RBFOX1: variants seen among roughly 807,000 people sequenced by gnomAD.
RBFOX1 encodes the protein RNA binding fox-1 homolog 1.
Under a neutral mutation model 57.7 loss-of-function variants are expected in RBFOX1, and 8 were observed. The ratio of observed to expected loss-of-function variants is 0.14; its 90% CI spans 0.08 to 0.25. RBFOX1 has a LOEUF of 0.25. RBFOX1 is among the 10% of genes least tolerant of loss of function. RBFOX1 has a pLI of 1.00. For missense variants in RBFOX1, 611 were observed against 548.5 expected, an observed-to-expected ratio of 1.11 and a Z score of -1.14; for synonymous variants, 326 against 222.4, an observed-to-expected ratio of 1.47 and a Z score of -4.15.
intron 2 of RBFOX1, among the ~76,000 whole-genome samples, chr16:6,583,712 G>A (rs546478736): frequency 6.6e-6 from 1 of 152,156 alleles, no homozygotes; most frequent in East Asian, 1.9e-4. Context: ...AACTGAAGTA[G>A]TAACTTTTAA....
At chr16:7,157,973 A>G (rs1260887111) in intron 4 of RBFOX1, among the ~76,000 whole-genome samples, 2 of 152,192 alleles carry the variant, frequency 1.3e-5, no homozygotes, top group African/African-American at 4.8e-5. Context: ...AGATTTGTAG[A>G]TTGACAAAAA....
At chr16:7,440,326 G>C (rs181153501) in intron 4 of RBFOX1, among the ~76,000 whole-genome samples, 1 of 152,134 alleles carries the variant, frequency 6.6e-6, no homozygotes, top group Non-Finnish European at 1.5e-5. Flanking sequence ...AACTAACACT[G>C]TGAAAAAACA....
chr16:6,802,600 C>A (rs1321702074), intron 3 of RBFOX1, among the ~76,000 whole-genome samples: 1 of 152,186 alleles, frequency 6.6e-6, no homozygotes, highest in Non-Finnish European at 1.5e-5. Context: ...TCGCTTGAAC[C>A]TGGGTGGCCG....
intron 2 of RBFOX1, among the ~76,000 whole-genome samples, chr16:6,598,757 C>A (rs1274622348): frequency 6.6e-6 from 1 of 151,938 alleles, no homozygotes; most frequent in Non-Finnish European, 1.5e-5. Context: ...ACCAGCCGGA[C>A]CAATATGGTG....
intron 1 of RBFOX1, among the ~76,000 whole-genome samples, chr16:6,270,955 A>G (rs1431492232): frequency 6.6e-6 from 1 of 152,248 alleles, no homozygotes; most frequent in Non-Finnish European, 1.5e-5. Flanking sequence ...CCATGGATTA[A>G]AGAAGGAGTC....
chr16:5,906,771 G>C (rs1597729648), intron 4 of RBFOX1, among the ~76,000 whole-genome samples: 1 of 115,022 alleles, frequency 8.7e-6, no homozygotes, highest in Middle Eastern at 0.011. Context: ...GTCTCGCACT[G>C]TCTTCCAGGC....
downstream of RBFOX1, chr16:5,601,022 T>C (rs1236535162): frequency 6.6e-6 from 1 of 152,234 alleles, no homozygotes; most frequent in African/African-American, 2.4e-5. Flanking sequence ...TCTTGCAGCT[T>C]CACATCAAGT....
chr16:5,934,230 T>G (rs1170289177), intron 4 of RBFOX1, among the ~76,000 whole-genome samples: 1 of 152,224 alleles, frequency 6.6e-6, no homozygotes, highest in Non-Finnish European at 1.5e-5. Flanking sequence ...CCCAGATTGG[T>G]GCAAACACAG....
intron 3 of RBFOX1, among the ~76,000 whole-genome samples, chr16:6,697,791 C>T (rs147830694): frequency 6.6e-6 from 1 of 152,164 alleles, no homozygotes; most frequent in Non-Finnish European, 1.5e-5. Context: ...AAGACCCAAC[C>T]TTGGTATTGG....
chr16:7,115,598 G>T (rs1176426846), intron 4 of RBFOX1, among the ~76,000 whole-genome samples: 1 of 152,162 alleles, frequency 6.6e-6, no homozygotes, highest in African/African-American at 2.4e-5. Context: ...GCTGCCCACA[G>T]ATTTACCTCT....
chr16:6,641,365 G>C (rs892989043), intron 2 of RBFOX1, among the ~76,000 whole-genome samples: 4 of 152,070 alleles, frequency 2.6e-5, no homozygotes, highest in Admixed American at 6.6e-5. Context: ...TCATTTTCTG[G>C]TGCTATTTAT....
At chr16:6,950,554 T>G (rs1371108181) in intron 3 of RBFOX1, among the ~76,000 whole-genome samples, 1 of 152,272 alleles carries the variant, frequency 6.6e-6, no homozygotes, top group East Asian at 1.9e-4. Flanking sequence ...GGCTTAGAAA[T>G]GAATGTGTGT....
chr16:6,149,851 C>T (rs1381901836), intron 1 of RBFOX1, among the ~76,000 whole-genome samples: 4 of 152,298 alleles, frequency 2.6e-5, no homozygotes, highest in Non-Finnish European at 2.9e-5. Flanking sequence ...TGTGAATCTT[C>T]ATGAAAGTGG....
intron 5 of RBFOX1, among the ~76,000 whole-genome samples, chr16:7,578,368 A>G (rs892243109): frequency 9.2e-5 from 14 of 152,356 alleles, no homozygotes; most frequent in Admixed American, 6.5e-4. Context: ...GTCAACTGGT[A>G]GGTCTTTTGA....
At chr16:7,112,058 G>A (rs570102365) in intron 4 of RBFOX1, among the ~76,000 whole-genome samples, 1 of 152,302 alleles carries the variant, frequency 6.6e-6, no homozygotes, top group South Asian at 2.1e-4. Context: ...AAGTGTGTGT[G>A]TGAGAGAGAT....
chr16:7,187,688 CACAAAAAAAAAAA>C (rs1305102220), intron 4 of RBFOX1, among the ~76,000 whole-genome samples: 460 of 43,200 alleles, frequency 0.011, 7 homozygotes, highest in African/African-American at 0.033. Context: ...GACTCTGTCT[CACAAAAAAAAAAA>C]AAAAAAAAAA....
At chr16:7,523,523 G>C (rs1031955121) in intron 5 of RBFOX1, among the ~76,000 whole-genome samples, 1 of 152,136 alleles carries the variant, frequency 6.6e-6, no homozygotes, top group East Asian at 1.9e-4. Flanking sequence ...ATGGATGCCC[G>C]AATTTGGAGA....
intron 3 of RBFOX1, among the ~76,000 whole-genome samples, chr16:6,691,342 A>G (rs1430190122): frequency 1.3e-5 from 2 of 152,108 alleles, no homozygotes; most frequent in Non-Finnish European, 2.9e-5. Context: ...TTCTTAAGAA[A>G]GCTTATTTTG....
intron 2 of RBFOX1, among the ~76,000 whole-genome samples, chr16:6,470,454 A>C (rs1216643006): frequency 6.6e-6 from 1 of 152,240 alleles, no homozygotes; most frequent in African/African-American, 2.4e-5. Context: ...TAGCAACTGC[A>C]TTCTCCTATG....
Sources: allele counts gnomAD v4.1 joint callset (sites outside exome capture counted in the v4.1 genomes callset), GRCh38; gene constraint gnomAD v4.1.1; transcripts MANE v1.5; gene names NCBI Gene and HGNC (gene_info 2026-07-23, HGNC 2026-07-21).